Variants in CD109 observed in about 807,000 individuals in gnomAD.
The protein encoded by CD109 is CD109 antigen.
Under a neutral mutation model 165.8 loss-of-function variants are expected in CD109, and 149 were observed. The ratio of observed to expected loss-of-function variants is 0.90; its 90% CI spans 0.79 to 1.03. The LOEUF (loss-of-function observed/expected upper bound fraction) is 1.03. Among genes scored for constraint, CD109 ranks in the 50% least tolerant of loss-of-function variants. CD109 has a pLI of 0.00. For missense variants in CD109, 1,712 were observed against 1,677.8 expected (o/e 1.02, Z -0.36); for synonymous variants, 585 against 592.1 (o/e 0.99, Z 0.18).
intron 2 of CD109, among the ~76,000 whole-genome samples, chr6:73,719,473 A>G (rs997852452): frequency 6.6e-6 from 1 of 152,206 alleles, no homozygotes; most frequent in Non-Finnish European, 1.5e-5. Flanking sequence ...GGTAAGGAAT[A>G]ACTCTTTCTT....
intron 2 of CD109, among the ~76,000 whole-genome samples, chr6:73,709,256 G>A (rs1210355113): frequency 3.3e-5 from 5 of 152,130 alleles, no homozygotes; most frequent in African/African-American, 9.7e-5. Context: ...ATTAAATAGG[G>A]AATCCTTTCC....
chr6:73,721,390 T>C (rs548954169), intron 2 of CD109, among the ~76,000 whole-genome samples: 4 of 150,780 alleles, frequency 2.7e-5, no homozygotes, highest in South Asian at 4.2e-4. Context: ...TTTGAGACAG[T>C]ATCTCCCTCT....
chr6:73,708,941 T>G (rs1454823168), intron 2 of CD109, among the ~76,000 whole-genome samples: 1 of 152,220 alleles, frequency 6.6e-6, no homozygotes, highest in Non-Finnish European at 1.5e-5. Flanking sequence ...GTTCTCCCAT[T>G]CTGTAGGCTG....
rs1347383620 is a variant in CD109 at position 73,766,865 on chromosome 6, T to G, written c.1434+5T>G. ...ACAAGAGATGAAAATATAAAGGTAATGCTTACAATTCACTTGAGAATTACA... is the reference window on the plus strand; with the variant it reads ...ACAAGAGATGAAAATATAAAGGTAAGGCTTACAATTCACTTGAGAATTACA... On this transcript the variant is annotated splice_donor_5th_base_variant and intron_variant, in intron 12 of 32. Coordinates refer to ENST00000287097, the MANE Select transcript of CD109 (RefSeq NM_133493.5). The G allele has an allele frequency of 6.2e-7, 1 of 1,608,898 alleles. No homozygotes were observed.
intron 15 of CD109, among the ~76,000 whole-genome samples, chr6:73,773,374 A>G (rs939813356): frequency 6.6e-6 from 1 of 151,844 alleles, no homozygotes; most frequent in African/African-American, 2.4e-5. Context: ...ATAGCATATT[A>G]TTATATTTTG....
At chr6:73,810,677 AT>A (rs35838913) in intron 27 of CD109, among the ~76,000 whole-genome samples, 42,628 of 151,882 alleles carry the variant, frequency 0.28, 6,149 homozygotes, top group Admixed American at 0.35. Flanking sequence ...GTATAAAAAA[AT>A]CATTGTACAG....
intron 29 of CD109, 125 bp from the exon 30 acceptor site, chr6:73,814,856 A>G: frequency 4.0e-6 from 2 of 497,112 alleles, no homozygotes; most frequent in Non-Finnish European, 6.5e-6. Context: ...ATTTTTTTCT[A>G]GTTTGAAGAT....
chr6:73,685,296 T>C, the CD109 span, among the ~76,000 whole-genome samples: 3 of 152,182 alleles, frequency 2.0e-5, no homozygotes, highest in South Asian at 6.2e-4. Flanking sequence ...TAACTAGATA[T>C]ATGGTTTGCA....
intron 4 of CD109, 114 bp from the exon 5 acceptor site, chr6:73,736,269 G>C: frequency 1.9e-6 from 2 of 1,064,934 alleles, no homozygotes; most frequent in Non-Finnish European, 2.7e-6. Flanking sequence ...GCCGTATTTT[G>C]GAGTAAAGTT....
chr6:73,756,613 C>G, intron 5 of CD109, 30 bp from the exon 6 acceptor site: 1 of 1,468,434 alleles, frequency 6.8e-7, no homozygotes, highest in Non-Finnish European at 9.2e-7. Context: ...CATATACTTT[C>G]CTGTCTTTTT....
the CD109 span, among the ~76,000 whole-genome samples, chr6:73,679,746 G>T: frequency 6.6e-6 from 1 of 151,580 alleles, no homozygotes; most frequent in African/African-American, 2.4e-5. Context: ...AGTGATTCTT[G>T]TGCCTCAGCC....
At chr6:73,707,249 A>G (rs909800030) in intron 2 of CD109, among the ~76,000 whole-genome samples, 1 of 152,202 alleles carries the variant, frequency 6.6e-6, no homozygotes, top group South Asian at 2.1e-4. Context: ...AGGATTCTGT[A>G]GCCCATCCAT....
the CD109 span, among the ~76,000 whole-genome samples, chr6:73,683,249 G>T: frequency 6.6e-6 from 1 of 152,172 alleles, no homozygotes; most frequent in East Asian, 1.9e-4. Context: ...CCTCTTGAAT[G>T]CTTTGCTGCT....
intron 2 of CD109, among the ~76,000 whole-genome samples, chr6:73,717,611 CTTTTTT>C (rs779915655): frequency 4.0e-5 from 3 of 74,818 alleles, no homozygotes; most frequent in African/African-American, 1.5e-4. Context: ...TCTACTGATT[CTTTTTT>C]TTTTTTTTTT....
chr6:73,739,111 C>G (rs546343684), intron 5 of CD109, among the ~76,000 whole-genome samples: 109 of 152,300 alleles, frequency 7.2e-4, no homozygotes, highest in African/African-American at 2.5e-3. Context: ...TGTGTGAAAA[C>G]TATATAGCAA....
chr6:73,766,946 A>G lies in CD109; in HGVS notation c.1435-2A>G, dbSNP rs774764645. On this transcript the variant is annotated splice_acceptor_variant, in intron 12 of 32. Coordinates refer to ENST00000287097, the MANE Select transcript of CD109 (RefSeq NM_133493.5). LOFTEE classifies it high-confidence loss of function. ...TACATATTAATTAAGGTTTTTTTCT[A>G]GGTGGGATCGCCTTTTGAGTTGGTG... 4.3e-6 allele frequency: 7 copies of G among 1,613,246 alleles called. No individual in the cohort carries two copies. The highest frequency in any genetic ancestry group is 5.9e-6 in the Non-Finnish European group (7 of 1,179,500).
chr6:73,795,766 C>T (rs183558120), intron 23 of CD109, among the ~76,000 whole-genome samples: 2 of 152,246 alleles, frequency 1.3e-5, no homozygotes, highest in East Asian at 3.9e-4. Context: ...AGTCCTGGCT[C>T]CCACCTTGGA....
chr6:73,801,260 C>T (rs1775352109), intron 23 of CD109, among the ~76,000 whole-genome samples: 1 of 152,194 alleles, frequency 6.6e-6, no homozygotes, highest in South Asian at 2.1e-4. Flanking sequence ...GTTTCAGTCT[C>T]ATTATCTGTG....
At chr6:73,771,407 T>A (rs1443461115) in intron 14 of CD109, 22 bp from the exon 15 acceptor site, 1 of 1,581,288 alleles carries the variant, frequency 6.3e-7, no homozygotes, top group African/African-American at 1.4e-5. Flanking sequence ...AATAAGTTAA[T>A]CCTCCTTTCT....
Sources: gnomAD v4.1 joint callset for allele counts (sites outside exome capture counted in the v4.1 genomes callset) on GRCh38, gnomAD v4.1.1 for gene constraint, MANE v1.5 for transcripts, NCBI Gene and HGNC (gene_info 2026-07-23, HGNC 2026-07-21) for gene names.